The following AMBRA1 variants were observed in gnomAD, a reference collection of about 807,000 sequenced individuals.
AMBRA1 encodes the protein activating molecule in BECN1-regulated autophagy protein 1.
Under a neutral mutation model 125.4 loss-of-function variants are expected in AMBRA1, and 47 were observed. The observed-to-expected ratio is 0.37, with a 90% CI of 0.30 to 0.48. The LOEUF is 0.48. AMBRA1 is among the 20% of genes least tolerant of loss of function. The probability of loss-of-function intolerance (pLI) is 0.99; values close to 1 mark genes in which losing one functional copy is unlikely to be tolerated. For synonymous variants in AMBRA1, 626 were observed against 655.5 expected, an observed-to-expected ratio of 0.95 and a Z score of 0.69; for missense variants, 1,331 against 1,693.4, an observed-to-expected ratio of 0.79 and a Z score of 3.76.
intron 12 of AMBRA1, among the ~76,000 whole-genome samples, chr11:46,441,830 C>A (rs1008979006): frequency 6.6e-6 from 1 of 151,732 alleles, no homozygotes; most frequent in African/African-American, 2.4e-5. Flanking sequence ...TGGAAAATGG[C>A]AGCTTAGTTT....
At chr11:46,413,931 C>T (rs1163365398) in intron 15 of AMBRA1, among the ~76,000 whole-genome samples, 1 of 152,202 alleles carries the variant, frequency 6.6e-6, no homozygotes, top group Non-Finnish European at 1.5e-5. Flanking sequence ...GGGAACTACA[C>T]AAATACACCA....
intron 1 of AMBRA1, among the ~76,000 whole-genome samples, chr11:46,571,189 T>G (rs1259971367): frequency 6.6e-6 from 1 of 152,228 alleles, no homozygotes; most frequent in Admixed American, 6.5e-5. Flanking sequence ...AGGTCCCCAG[T>G]GTTCTTCTAT....
At chr11:46,516,423 CTTTTTTT>C (rs1162985350) in intron 7 of AMBRA1, among the ~76,000 whole-genome samples, 5,013 of 73,132 alleles carry the variant, frequency 0.069, 234 homozygotes, top group African/African-American at 0.23. Flanking sequence ...AAAGATCTTT[CTTTTTTT>C]TTTTTTTTTT....
chr11:46,541,748 C>T lies in AMBRA1; in HGVS notation c.2072+197G>A, dbSNP rs190578116. Among the ~76,000 whole-genome samples, 3 of 152,342 alleles carry T rather than the reference C, an allele frequency of 2.0e-5. No homozygotes were observed. The East Asian group carries it at 5.8e-4, about 29-fold the overall frequency. On this transcript the variant is annotated intron_variant, in intron 7 of 17. Transcript: ENST00000683756. ...CTTAGCCGAAATAGAGCTAGCGCAG[C>T]CAACTGACTCATACTGCTAGGCCCT... is the stretch of plus-strand genomic sequence containing the variant.
intron 1 of AMBRA1, among the ~76,000 whole-genome samples, chr11:46,584,426 T>A (rs915127072): frequency 2.0e-5 from 3 of 147,402 alleles, no homozygotes; most frequent in Non-Finnish European, 4.5e-5. Context: ...TAATGCTAAA[T>A]GACGAGTTAG....
chr11:46,551,555 C>T (rs1277050599), intron 1 of AMBRA1, among the ~76,000 whole-genome samples: 1 of 152,140 alleles, frequency 6.6e-6, no homozygotes, highest in Non-Finnish European at 1.5e-5. Flanking sequence ...AATCTGTTAT[C>T]TTTATCAAAA....
At chr11:46,544,951 C>A (rs147711241) in intron 5 of AMBRA1, among the ~76,000 whole-genome samples, 2 of 151,672 alleles carry the variant, frequency 1.3e-5, no homozygotes, top group Admixed American at 6.6e-5. Context: ...GCCCCGCCCC[C>A]CAAATCTCTA....
At chr11:46,409,175 G>A (rs2136617499) in intron 16 of AMBRA1, among the ~76,000 whole-genome samples, 1 of 152,010 alleles carries the variant, frequency 6.6e-6, no homozygotes, top group African/African-American at 2.4e-5. Context: ...CAAGTGAACT[G>A]AGAACTCCAC....
chr11:46,421,664 C>G (rs1298675645), intron 14 of AMBRA1, among the ~76,000 whole-genome samples: 1 of 152,230 alleles, frequency 6.6e-6, no homozygotes, highest in Non-Finnish European at 1.5e-5. Flanking sequence ...CGGGCCAAAG[C>G]TGAACAGCTC....
intron 7 of AMBRA1, among the ~76,000 whole-genome samples, chr11:46,521,802 G>A (rs1198683372): frequency 6.6e-6 from 1 of 152,198 alleles, no homozygotes; most frequent in Non-Finnish European, 1.5e-5. Context: ...TCCTGCCCCT[G>A]ATGTGAGGTG....
intron 11 of AMBRA1, among the ~76,000 whole-genome samples, chr11:46,445,115 C>T (rs1948219887): frequency 6.6e-6 from 1 of 151,300 alleles, no homozygotes; most frequent in Non-Finnish European, 1.5e-5. Context: ...TCATTTGTTC[C>T]CCTCCAAAGC....
In AMBRA1 at chr11:46,459,735, CACAT is replaced by C. The variant is rs950652068; in HGVS notation, c.2522-16141_2522-16138del. On this transcript the variant is annotated intron_variant, in intron 11 of 17. Coordinates refer to ENST00000683756, the MANE Select transcript of AMBRA1 (RefSeq NM_001387011.1). ...CCCTCCCAAAAAGAAAAAAAAAATA[CACAT>C]ACACACACACACACACACACACACA... is the stretch of plus-strand genomic sequence containing the variant. Among the ~76,000 whole-genome samples, 141 of 135,378 alleles carry C rather than the reference CACAT, an allele frequency of 1.0e-3. 1 individual carries two copies. The highest frequency in any genetic ancestry group is 1.8e-3 in the South Asian group (8 of 4,326). 88.8% of individuals were successfully genotyped at this position (135,378 alleles called of 152,430 possible).
intron 11 of AMBRA1, among the ~76,000 whole-genome samples, chr11:46,459,546 A>G (rs2136826944): frequency 6.6e-6 from 1 of 152,198 alleles, no homozygotes; most frequent in African/African-American, 2.4e-5. Context: ...CCCCGTCTCT[A>G]CTAAAAATAC....
Position 46,471,808 on chromosome 11 carries a change from A to C in AMBRA1, c.2521+21800T>G, listed in dbSNP as rs191857671. ...ATGCCCAGCTAATTTTTTGTATTTT[A>C]GTAGAGATGGGGTTTCATCATGTTG... On this transcript the variant is annotated intron_variant, in intron 11 of 17. Transcript: ENST00000683756. Among the ~76,000 whole-genome samples the C allele has an allele frequency of 4.2e-3, 638 of 151,728 alleles. 3 individuals carry two copies. Among genetic ancestry groups the C allele is most frequent in the African/African-American group, 0.013 (536 of 41,422 alleles).
At chr11:46,547,371 T>C (rs915667962) in intron 3 of AMBRA1, 75 bp from the exon 4 acceptor site, 36 of 1,349,870 alleles carry the variant, frequency 2.7e-5, no homozygotes, top group Middle Eastern at 2.7e-4. Flanking sequence ...TTGGACGACA[T>C]AGAATATTGA....
chr11:46,575,221 G>T (rs1207079584), intron 1 of AMBRA1, among the ~76,000 whole-genome samples: 1 of 152,128 alleles, frequency 6.6e-6, no homozygotes, highest in East Asian at 1.9e-4. Context: ...ACTTTGGGAG[G>T]CTGAGGCAGG....
intron 14 of AMBRA1, among the ~76,000 whole-genome samples, chr11:46,427,419 A>T (rs1318136439): frequency 6.6e-6 from 1 of 152,244 alleles, no homozygotes. Flanking sequence ...AGAGATAGTA[A>T]GAGACAGAGC....
At chr11:46,453,535 GT>G (rs1948717336) in intron 11 of AMBRA1, among the ~76,000 whole-genome samples, 1 of 152,154 alleles carries the variant, frequency 6.6e-6, no homozygotes, top group African/African-American at 2.4e-5. Context: ...AAAATATACT[GT>G]GTGGAAAACC....
intron 10 of AMBRA1, 167 bp downstream of exon 10, chr11:46,493,957 A>G: frequency 1.4e-6 from 1 of 692,950 alleles, no homozygotes; most frequent in South Asian, 2.0e-5. Flanking sequence ...ATCTCTTTTG[A>G]ATGTGGCTAA....
Sources: gnomAD v4.1 joint callset for allele counts (sites outside exome capture counted in the v4.1 genomes callset) on GRCh38, gnomAD v4.1.1 for gene constraint, MANE v1.5 for transcripts, NCBI Gene and HGNC (gene_info 2026-07-23, HGNC 2026-07-21) for gene names.